DIS3L2: variants seen among roughly 807,000 people sequenced by gnomAD.
The protein encoded by DIS3L2 is DIS3 like 3'-5' exoribonuclease 2.
In DIS3L2, 34 loss-of-function variants were observed where a neutral mutation model predicts 97.5. That is an observed-to-expected ratio of 0.35 (90% CI 0.27 to 0.46). The LOEUF is 0.46. DIS3L2 is among the 20% of genes least tolerant of loss of function. DIS3L2 has a pLI of 1.00. For synonymous variants in DIS3L2, 435 were observed against 445.2 expected (o/e 0.98, Z 0.29); for missense variants, 1,038 against 1,146.0 (o/e 0.91, Z 1.36).
intron 14 of DIS3L2, among the ~76,000 whole-genome samples, chr2:232,312,174 A>T (rs943339550): frequency 2.6e-5 from 4 of 152,212 alleles, no homozygotes; most frequent in Non-Finnish European, 4.4e-5. Context: ...TTTAACGTAC[A>T]GAAGTACTTA....
At chr2:232,032,413 A>G (rs1694828257) in intron 5 of DIS3L2, among the ~76,000 whole-genome samples, 1 of 152,158 alleles carries the variant, frequency 6.6e-6, no homozygotes, top group Non-Finnish European at 1.5e-5. Context: ...CCTTTGTCAG[A>G]TGGATAGATT....
At chr2:232,306,125 A>G (rs773501268) in intron 14 of DIS3L2, among the ~76,000 whole-genome samples, 12 of 152,096 alleles carry the variant, frequency 7.9e-5, no homozygotes, top group Non-Finnish European at 1.6e-4. Flanking sequence ...TAGGAGTCTC[A>G]CCTCCTGGGT....
At position 232,206,823 on chromosome 2, in the gene DIS3L2, T is replaced by C. The variant is rs143999519; in HGVS notation, c.1125-3503T>C. 1.5e-4 allele frequency among the ~76,000 whole-genome samples: 23 copies of C among 152,298 alleles called. No individual in the cohort carries two copies. In the East Asian group the frequency reaches 4.4e-3, roughly 29 times the overall value. On this transcript the variant is annotated intron_variant, in intron 9 of 20. Coordinates refer to ENST00000325385, the MANE Select transcript of DIS3L2 (RefSeq NM_152383.5). ...AGTCCTTACAGGCTAGTCTAGGATT[T>C]TTCTTAGAAAGCAGTTGTGGGGGCT...
At chr2:232,279,569 CCCA>C (rs1694231069) in intron 13 of DIS3L2, among the ~76,000 whole-genome samples, 1 of 151,962 alleles carries the variant, frequency 6.6e-6, no homozygotes, top group South Asian at 2.1e-4. Flanking sequence ...TGCACTATCG[CCCA>C]GGCTGGAGTT....
rs546966639 is a variant in DIS3L2 at position 232,254,917 on chromosome 2, C to G, written c.1425+5571C>G. Among the ~76,000 whole-genome samples, 34 of 152,318 alleles carry G rather than the reference C, an allele frequency of 2.2e-4. No individual in the cohort carries two copies. The Middle Eastern group carries it at 0.014, about 61-fold the overall frequency. Reference sequence around the variant, plus strand: ...AGAGTTGTAGGGCAAAGCCCACTAACCACACTCCTTGTACTGTTGGTTATC... The same window carrying G: ...AGAGTTGTAGGGCAAAGCCCACTAAGCACACTCCTTGTACTGTTGGTTATC... On this transcript the variant is annotated intron_variant, in intron 12 of 20. Coordinates refer to ENST00000325385, the MANE Select transcript of DIS3L2 (RefSeq NM_152383.5).
At chr2:232,333,088 G>T (rs1358929418) in intron 16 of DIS3L2, among the ~76,000 whole-genome samples, 1 of 151,216 alleles carries the variant, frequency 6.6e-6, no homozygotes, top group African/African-American at 2.4e-5. Flanking sequence ...ACCGCAGGCG[G>T]CCTCCTCCTC....
At chr2:232,086,657 A>ATG (rs376073328) in intron 5 of DIS3L2, among the ~76,000 whole-genome samples, 7,176 of 35,894 alleles carry the variant, frequency 0.2, 909 homozygotes, top group Middle Eastern at 0.24. Context: ...ATATATATAT[A>ATG]TATGTGTGTG....
At chr2:232,149,020 G>A (rs923725847) in intron 8 of DIS3L2, among the ~76,000 whole-genome samples, 4 of 149,006 alleles carry the variant, frequency 2.7e-5, no homozygotes, top group Admixed American at 1.3e-4. Flanking sequence ...AATGATGGCT[G>A]TAGAAATAGG....
intron 14 of DIS3L2, among the ~76,000 whole-genome samples, chr2:232,316,903 G>A (rs116101588): frequency 6.6e-6 from 1 of 152,286 alleles, no homozygotes; most frequent in Non-Finnish European, 1.5e-5. Flanking sequence ...GGAAACCATT[G>A]TTGTGATTTT....
chr2:232,327,565 G>A (rs1366997408), intron 14 of DIS3L2, among the ~76,000 whole-genome samples: 2 of 152,192 alleles, frequency 1.3e-5, no homozygotes, highest in Non-Finnish European at 2.9e-5. Context: ...TTTTCAAGCA[G>A]GAATTTTGAT....
chr2:232,306,888 C>A lies in DIS3L2; in HGVS notation c.1739+6769C>A, dbSNP rs114123900. On this transcript the variant is annotated intron_variant, in intron 14 of 20. Transcript: ENST00000325385. ...ATGCTGTCTGTACCAGATTACCTCA[C>A]GCTCCTGCGTACAACGTGTCCCTGT... Among the ~76,000 whole-genome samples, 392 of 152,394 alleles carry A rather than the reference C, an allele frequency of 2.6e-3. 2 individuals carry two copies. The highest frequency in any genetic ancestry group is 4.7e-3 in the Non-Finnish European group (323 of 68,050).
rs1157956244 is a variant in DIS3L2 at position 232,325,238 on chromosome 2, C to T, written c.1740-4575C>T. ...ATGCGGCACCCAGTGGCTGGCTCTGCAGTCTTGATGCTCGCCGGCACCTTC... is the reference window on the plus strand; with the variant it reads ...ATGCGGCACCCAGTGGCTGGCTCTGTAGTCTTGATGCTCGCCGGCACCTTC... On this transcript the variant is annotated intron_variant, in intron 14 of 20. Transcript: ENST00000325385. The surrounding 1 kb of genome is among the most constrained non-coding windows in gnomAD (Gnocchi z 4.6). Among the ~76,000 whole-genome samples the T allele has an allele frequency of 6.6e-6, 1 of 152,230 alleles. No individual in the cohort carries two copies. The highest frequency in any genetic ancestry group is 1.5e-5 in the Non-Finnish European group (1 of 68,032).
chr2:232,018,688 C>T (rs557113598), intron 3 of DIS3L2, among the ~76,000 whole-genome samples: 13 of 151,376 alleles, frequency 8.6e-5, no homozygotes, highest in African/African-American at 1.9e-4. Flanking sequence ...AAACTTTTAT[C>T]GAGAGATTGA....
At chr2:232,237,266 A>G (rs1692958531) in intron 10 of DIS3L2, among the ~76,000 whole-genome samples, 1 of 152,200 alleles carries the variant, frequency 6.6e-6, no homozygotes, top group South Asian at 2.1e-4. Flanking sequence ...CATTTAAGGT[A>G]CAGTTCTAAC....
At chr2:232,338,694 C>T (rs1235027077), downstream of DIS3L2, among the ~76,000 whole-genome samples, 6 of 150,564 alleles carry the variant, frequency 4.0e-5, no homozygotes, top group Admixed American at 1.3e-4. Context: ...ACACCGAGCC[C>T]CGCGTCTGCA....
intron 10 of DIS3L2, among the ~76,000 whole-genome samples, chr2:232,217,046 T>C (rs1692359918): frequency 6.6e-6 from 1 of 152,184 alleles, no homozygotes; most frequent in South Asian, 2.1e-4. Flanking sequence ...TTTCACCATA[T>C]TGGCCAGGCT....
intron 5 of DIS3L2, among the ~76,000 whole-genome samples, chr2:232,086,263 A>G (rs1313814047): frequency 6.6e-6 from 1 of 150,948 alleles, no homozygotes; most frequent in Non-Finnish European, 1.5e-5. Context: ...ATAGACGTGT[A>G]TACGTGTATA....
chr2:232,163,624 G>A lies in DIS3L2; in HGVS notation c.1116G>A (p.Arg372=), dbSNP rs755028564. Residue 372 remains arginine, a synonymous_variant, in exon 9 of 21, where the codon AGG becomes AGA. Coordinates refer to ENST00000325385, the MANE Select transcript of DIS3L2 (RefSeq NM_152383.5). ...TIPPEEFSKR[R]DLRKDCIFTI... Reference sequence around the variant, plus strand: ...CACCAGAGGAGTTCAGCAAGAGAAGGGATTTAAGGTAAGCACCTGAAACCC... The same window carrying A: ...CACCAGAGGAGTTCAGCAAGAGAAGAGATTTAAGGTAAGCACCTGAAACCC... 6 of 1,613,060 alleles carry A rather than the reference G, an allele frequency of 3.7e-6. No individual in the cohort carries two copies. The African/African-American group carries it at 4.0e-5, about 11-fold the overall frequency.
intron 5 of DIS3L2, among the ~76,000 whole-genome samples, chr2:232,047,470 T>C (rs1695273686): frequency 6.6e-6 from 1 of 152,262 alleles, no homozygotes; most frequent in South Asian, 2.1e-4. Flanking sequence ...ATTTATTATT[T>C]GTAATTGGAA....
Sources: gnomAD v4.1 joint callset for allele counts (sites outside exome capture counted in the v4.1 genomes callset) on GRCh38, gnomAD v4.1.1 for gene constraint, Gnocchi (gnomAD v3.1) non-coding constraint, MANE v1.5 for transcripts, NCBI Gene and HGNC (gene_info 2026-07-23, HGNC 2026-07-21) for gene names.